The following BRWD1 variants were observed in gnomAD, a reference collection of about 807,000 sequenced individuals.
The protein encoded by BRWD1 is bromodomain and WD repeat domain containing 1, also known as bromodomain and WD repeat-containing protein 1.
In BRWD1, 82 loss-of-function variants were observed where a neutral mutation model predicts 251.2. That is an observed-to-expected ratio of 0.33 (90% CI 0.27 to 0.39). BRWD1 has a LOEUF of 0.39. Among genes scored for constraint, BRWD1 ranks in the 10% least tolerant of loss-of-function variants. The pLI is 1.00. For synonymous variants in BRWD1, 918 were observed against 902.8 expected (o/e 1.02, Z -0.30); for missense variants, 2,233 against 2,711.6 (o/e 0.82, Z 3.92).
At chr21:39,293,747 A>C in intron 8 of BRWD1, 64 bp downstream of exon 8, 2 of 1,292,602 alleles carry the variant, frequency 1.5e-6, no homozygotes, top group Non-Finnish European at 2.2e-6. Context: ...AATTCCAAAG[A>C]AACTGTTTTA....
Position 39,192,986 on chromosome 21 carries a change from G to A in BRWD1, c.*3273C>T, listed in dbSNP as rs147227583. 2 of 984,778 alleles carry A rather than the reference G, an allele frequency of 2.0e-6. No individual in the cohort carries two copies. Among genetic ancestry groups the A allele is most frequent in the African/African-American group, 3.5e-5 (2 of 57,292 alleles). 61.0% of individuals were successfully genotyped at this position (984,778 alleles called of 1,614,324 possible). On this transcript the variant is annotated 3_prime_UTR_variant, in exon 41 of 41. Coordinates refer to ENST00000342449, the MANE Select transcript of BRWD1 (RefSeq NM_033656.4). ...GTAGTGTGCACCCCTTATTCTAAGTGATAATTTTTACTTACGAGGTCATAA... is the reference window on the plus strand; with the variant it reads ...GTAGTGTGCACCCCTTATTCTAAGTAATAATTTTTACTTACGAGGTCATAA...
Position 39,215,059 on chromosome 21 carries a change from C to T in BRWD1, c.3785+178G>A, listed in dbSNP as rs1415911760. On this transcript the variant is annotated intron_variant, in intron 32 of 40. Transcript: ENST00000342449. ...ATTTTTGTATTTTTTTTAGTAGAGCCGGGGTTTCACCATGTTGGTACGCTG... is the reference window on the plus strand; with the variant it reads ...ATTTTTGTATTTTTTTTAGTAGAGCTGGGGTTTCACCATGTTGGTACGCTG... Among the ~76,000 whole-genome samples, 7 of 12,722 alleles carry T rather than the reference C, an allele frequency of 5.5e-4. No homozygotes were observed. The Admixed American group carries it at 8.3e-3, about 15-fold the overall frequency. The allele number at this position is 12,722 out of a possible 152,430, so 8.3% of individuals were successfully genotyped here.
intron 17 of BRWD1, 108 bp downstream of exon 17, chr21:39,264,352 G>T: frequency 2.8e-6 from 2 of 713,662 alleles, no homozygotes; most frequent in Non-Finnish European, 2.1e-6. Context: ...AACAAATATT[G>T]CAAAATATTA....
chr21:39,211,243 A>G (rs2146495547), intron 34 of BRWD1, among the ~76,000 whole-genome samples: 1 of 152,320 alleles, frequency 6.6e-6, no homozygotes, highest in Non-Finnish European at 1.5e-5. Context: ...CAGAATATGA[A>G]GCACATCTGA....
Position 39,296,274 on chromosome 21 carries a change from G to C in BRWD1, c.439C>G (p.Pro147Ala). ...GGCCAACCTTACTTACCAAGATTTG[G>C]TGGGGAACCATAATTCACTGGCATT... Reference protein sequence around the residue: ...PEMPVNYGSPPNLVEIHRGKQ... With the variant: ...PEMPVNYGSPANLVEIHRGKQ... Residue 147 changes from proline to alanine, a missense_variant, in exon 6 of 41, where the codon CCA (proline) becomes GCA (alanine). Coordinates refer to ENST00000342449, the MANE Select transcript of BRWD1 (RefSeq NM_033656.4). The C allele has an allele frequency of 6.3e-7, 1 of 1,596,038 alleles. No individual in the cohort carries two copies. The highest frequency in any genetic ancestry group is 1.1e-5 in the South Asian group (1 of 87,360).
upstream of BRWD1, chr21:39,313,745 C>G (rs1450829468): frequency 2.6e-6 from 1 of 387,302 alleles, no homozygotes; most frequent in Non-Finnish European, 4.6e-6. Context: ...GTGTCCCGCC[C>G]GGGGAGGCGA....
chr21:39,252,895 C>T (rs2034442412), intron 19 of BRWD1, among the ~76,000 whole-genome samples: 1 of 152,146 alleles, frequency 6.6e-6, no homozygotes, highest in Admixed American at 6.5e-5. Flanking sequence ...GACATCTGAA[C>T]ATCTTTCTTC....
rs758376685 is a variant in BRWD1, at chr21:39,264,933, G to A, written c.1617C>T (p.His539=). 1 of 1,613,826 alleles carries A rather than the reference G, an allele frequency of 6.2e-7. No individual in the cohort carries two copies. Among genetic ancestry groups the A allele is most frequent in the Non-Finnish European group, 8.5e-7 (1 of 1,179,890 alleles). ...QHFACTDSHG[H]LLIFGFGCSK... ...TGCATCCAAAACCAAATATCAGAAG[G>A]TGCCCATGAGAATCTGTACAGGCAA... Residue 539 remains histidine, a synonymous_variant, in exon 16 of 41, where the codon CAC becomes CAT. Transcript: ENST00000342449.
At chr21:39,292,115 T>TGGGGGGGG (rs1601477074) in intron 8 of BRWD1, among the ~76,000 whole-genome samples, 1 of 10,276 alleles carries the variant, frequency 9.7e-5, no homozygotes, top group Non-Finnish European at 2.1e-3. Context: ...CTATTTTTTG[T>TGGGGGGGG]GGGGGGTGGG....
chr21:39,263,817 G>C (rs553956827), intron 17 of BRWD1, among the ~76,000 whole-genome samples: 2 of 152,196 alleles, frequency 1.3e-5, no homozygotes, highest in East Asian at 3.9e-4. Flanking sequence ...AAAATACTAA[G>C]TTTATAGTGT....
At chr21:39,313,865 A>C (rs1601526880), upstream of BRWD1, 3 of 334,474 alleles carry the variant, frequency 9.0e-6, no homozygotes, top group Non-Finnish European at 5.6e-6. Context: ...CGTGGTCCGA[A>C]TCCCTGCGCG....
chr21:39,290,693 A>G (rs1361891815), intron 8 of BRWD1, among the ~76,000 whole-genome samples: 1 of 152,220 alleles, frequency 6.6e-6, no homozygotes, highest in East Asian at 1.9e-4. Context: ...TATTGTCAAC[A>G]CATTCATATC....
chr21:39,264,712 C>A, intron 16 of BRWD1, 27 bp from the exon 17 acceptor site: 1 of 1,546,696 alleles, frequency 6.5e-7, no homozygotes, highest in Non-Finnish European at 8.8e-7. Context: ...CACAGGATGA[C>A]ATTTTAAGGT....
In BRWD1 at chr21:39,193,939, A is replaced by G. The variant is rs1384464789; in HGVS notation, c.*2320T>C. The G allele has an allele frequency of 3.0e-6, 3 of 985,470 alleles. No homozygotes were observed. Among genetic ancestry groups the G allele is most frequent in the Non-Finnish European group, 3.6e-6 (3 of 829,724 alleles). The allele number at this position is 985,470 out of a possible 1,614,324, so 61.0% of individuals were successfully genotyped here. The stretch of plus-strand genomic sequence containing the variant: ...AGCACCATAACCAAAAAAACCCATA[A>G]AAATTATTTTCTCCATTATCTCTCA... On this transcript the variant is annotated 3_prime_UTR_variant, in exon 41 of 41. Transcript: ENST00000342449.
chr21:39,220,181 T>C (rs1442796510), intron 29 of BRWD1, among the ~76,000 whole-genome samples: 1 of 152,168 alleles, frequency 6.6e-6, no homozygotes, highest in Non-Finnish European at 1.5e-5. Context: ...CTATGTTGCC[T>C]GGGCTGGTCT....
At chr21:39,207,916 G>T (rs116839882) in intron 36 of BRWD1, among the ~76,000 whole-genome samples, 166 of 152,274 alleles carry the variant, frequency 1.1e-3, no homozygotes, top group African/African-American at 3.7e-3. Flanking sequence ...GACAAATATG[G>T]TAAGATCTCA....
chr21:39,211,255 A>G (rs2032644761), intron 34 of BRWD1, among the ~76,000 whole-genome samples: 1 of 152,200 alleles, frequency 6.6e-6, no homozygotes, highest in Non-Finnish European at 1.5e-5. Flanking sequence ...CACATCTGAT[A>G]ATATGATAGG....
rs1027134791 is a variant in BRWD1 at position 39,191,263 on chromosome 21, A to T, written c.*4996T>A. On this transcript the variant is annotated 3_prime_UTR_variant, in exon 41 of 41. Transcript: ENST00000342449. ...CGCTTCAGTTCCCCTATCCAAGCTC[A>T]TATGTAAAACTCACAGCGCTCGCAC... The T allele has an allele frequency of 1.0e-6, 1 of 984,852 alleles. No individual in the cohort carries two copies. The highest frequency in any genetic ancestry group is 6.2e-5 in the Admixed American group (1 of 16,234). 61.0% of individuals were successfully genotyped at this position (984,852 alleles called of 1,614,324 possible). A position where few individuals can be genotyped will look rare whatever the true frequency, so the allele number is the denominator to read the frequency against.
Position 39,187,974 on chromosome 21 carries a change from G to A in BRWD1, c.*8285C>T. 1 of 985,240 alleles carries A rather than the reference G, an allele frequency of 1.0e-6. No individual in the cohort carries two copies. The allele number at this position is 985,240 out of a possible 1,614,324, so 61.0% of individuals were successfully genotyped here. A position where few individuals can be genotyped will look rare whatever the true frequency, so the allele number is the denominator to read the frequency against. ...GGATTTGCCAGACAAAAAGCACTTT[G>A]GAGAGTTAACTACTTCATGCAGACT... On this transcript the variant is annotated 3_prime_UTR_variant, in exon 41 of 41. Transcript: ENST00000342449.
Sources: gnomAD v4.1 joint callset for allele counts (sites outside exome capture counted in the v4.1 genomes callset) on GRCh38, gnomAD v4.1.1 for gene constraint, MANE v1.5 for transcripts, NCBI Gene and HGNC (gene_info 2026-07-23, HGNC 2026-07-21) for gene names.